FLOT1: variants seen among roughly 807,000 people sequenced by gnomAD.
FLOT1 encodes flotillin 1, also known as flotillin-1.
A neutral mutation model predicts 58.4 loss-of-function variants in FLOT1; 40 were observed. The observed-to-expected ratio is 0.69, with a 90% CI of 0.53 to 0.89. The LOEUF (loss-of-function observed/expected upper bound fraction) is 0.89, where lower values mean the gene tolerates loss of function less well. Ranked by LOEUF, FLOT1 falls within the 40% of genes least tolerant of loss-of-function variation. The pLI is 0.00. For missense variants in FLOT1, 423 were observed against 540.8 expected (o/e 0.78, Z 2.16); for synonymous variants, 178 against 204.2 (o/e 0.87, Z 1.09).
Position 30,741,268 on chromosome 6 carries a change from C to T in FLOT1, c.276G>A (p.Thr92=), listed in dbSNP as rs1199269293. The part of the protein sequence containing the change: ...AAACQMFLGK[T]EAEIAHIALE... ...GGGCAATGTGGGCAATCTCAGCCTC[C>T]GTCTTCCCCAGGAACATCTGACAGG... The change falls in exon 5 of 13, where the codon ACG becomes ACA. Residue 92 remains threonine (T), a synonymous_variant. Transcript: ENST00000376389. The surrounding 1 kb of genome is among the most constrained non-coding windows in gnomAD (Gnocchi z 5.9). The T allele has an allele frequency of 5.6e-6, 9 of 1,612,998 alleles. No homozygotes were observed. The East Asian group carries it at 6.7e-5, about 12-fold the overall frequency.
At chr6:30,734,508 C>T (rs1439637102) in intron 8 of FLOT1, among the ~76,000 whole-genome samples, 2 of 151,814 alleles carry the variant, frequency 1.3e-5, no homozygotes, top group African/African-American at 2.4e-5. Context: ...GGGGTTTCAC[C>T]GTGTTAGCCA....
chr6:30,731,136 G>GT, intron 8 of FLOT1, 36 bp from the exon 9 acceptor site: 1 of 1,558,902 alleles, frequency 6.4e-7, no homozygotes, highest in Non-Finnish European at 8.7e-7. Flanking sequence ...CACGCTCTGA[G>GT]TCAGAGGTGA....
chr6:30,728,873 C>G (rs1422624349), intron 12 of FLOT1, among the ~76,000 whole-genome samples: 39 of 151,858 alleles, frequency 2.6e-4, no homozygotes, highest in Non-Finnish European at 2.9e-5. Flanking sequence ...GCTCTGCCTC[C>G]CAGGTTCACA....
chr6:30,731,781 T>C (rs1205987876), intron 8 of FLOT1, among the ~76,000 whole-genome samples: 1 of 152,190 alleles, frequency 6.6e-6, no homozygotes, highest in Non-Finnish European at 1.5e-5. Context: ...TGATCTTTTT[T>C]GTCTTTTGCA....
chr6:30,728,206 C>T lies in FLOT1; in HGVS notation c.1255-61G>A, dbSNP rs1776874303. On this transcript the variant is annotated intron_variant, in intron 12 of 12. Transcript: ENST00000376389. ...CATTCGGGAGGCTGAGGCCCCTACT[C>T]TCCCGGGCCCCAGTTTAGACGAATG... 17 of 1,477,366 alleles carry T rather than the reference C, an allele frequency of 1.2e-5. No individual in the cohort carries two copies. The South Asian group carries it at 1.5e-4, about 13-fold the overall frequency. 91.5% of individuals were successfully genotyped at this position (1,477,366 alleles called of 1,614,324 possible).
Position 30,740,205 on chromosome 6 carries a change from C to T in FLOT1, c.676G>A (p.Glu226Lys), listed in dbSNP as rs1777868793. Residue 226 changes from glutamate (E) to lysine (K), a missense_variant, in exon 8 of 13, where the codon GAG becomes AAG. Transcript: ENST00000376389. ...GCCTGTGCTCGGCGGGTGTTGACCT[C>T]GATGTCATAGGCGGCCTTCTTCAGT... Reference protein sequence around the residue: ...YELKKAAYDIEVNTRRAQADL... With the variant: ...YELKKAAYDIKVNTRRAQADL... The T allele has an allele frequency of 3.1e-6, 5 of 1,612,900 alleles. No individual in the cohort carries two copies. The South Asian group carries it at 4.4e-5, about 14-fold the overall frequency.
At chr6:30,736,088 CA>C (rs983511849) in intron 8 of FLOT1, among the ~76,000 whole-genome samples, 4 of 151,902 alleles carry the variant, frequency 2.6e-5, no homozygotes, top group Non-Finnish European at 5.9e-5. Context: ...TCCGTCTCTA[CA>C]AAACATACAA....
intron 8 of FLOT1, among the ~76,000 whole-genome samples, chr6:30,732,510 A>G (rs766397724): frequency 1.8e-4 from 28 of 151,774 alleles, no homozygotes; most frequent in Non-Finnish European, 3.5e-4. Flanking sequence ...GAACCAGCAC[A>G]CCCGGCTATT....
chr6:30,735,189 T>C (rs958471381), intron 8 of FLOT1, among the ~76,000 whole-genome samples: 3 of 151,978 alleles, frequency 2.0e-5, no homozygotes, highest in African/African-American at 7.3e-5. Context: ...GGGGTTGGGG[T>C]TGGCTCTCAG....
In FLOT1 at chr6:30,737,116, C is replaced by A. The variant is rs2127774068; in HGVS notation, c.723+3042G>T. Among the ~76,000 whole-genome samples the A allele has an allele frequency of 6.6e-6, 1 of 152,106 alleles. No individual in the cohort carries two copies. The highest frequency in any genetic ancestry group is 1.5e-5 in the Non-Finnish European group (1 of 68,002). ...ACACCAGCGCCCCCAGATCAGAAAC[C>A]TCCTTTCTGACTCCACCTCACAGCC... On this transcript the variant is annotated intron_variant, in intron 8 of 12. Coordinates refer to ENST00000376389, the MANE Select transcript of FLOT1 (RefSeq NM_005803.4). The surrounding 1 kb of genome is among the most constrained non-coding windows in gnomAD (Gnocchi z 4.4).
At position 30,728,016 on chromosome 6, in the gene FLOT1, G is replaced by T; in HGVS notation, c.*100C>A. 8.9e-7 allele frequency: 1 copy of T among 1,118,450 alleles called. No individual in the cohort carries two copies. Among genetic ancestry groups the T allele is most frequent in the Non-Finnish European group, 1.4e-6 (1 of 731,416 alleles). 69.3% of individuals were successfully genotyped at this position (1,118,450 alleles called of 1,614,324 possible). A position where few individuals can be genotyped will look rare whatever the true frequency, so the allele number is the denominator to read the frequency against. ...GAGAGATGAGGGGTGGGACCTCACT[G>T]TCAATGGACATGCTCAGGGAGGCCA... On this transcript the variant is annotated 3_prime_UTR_variant, in exon 13 of 13. Transcript: ENST00000376389.
chr6:30,740,170 G>C lies in FLOT1; in HGVS notation c.711C>G (p.Ala237=). 1 of 1,612,982 alleles carries C rather than the reference G, an allele frequency of 6.2e-7. No homozygotes were observed. Among genetic ancestry groups the C allele is most frequent in the Non-Finnish European group, 8.5e-7 (1 of 1,179,986 alleles). The stretch of plus-strand genomic sequence containing the variant: ...CAGTGGCTCTGACCTGAAGCTGATA[G>C]GCCAGGTCAGCCTGTGCTCGGCGGG... The part of the protein sequence containing the change: ...VNTRRAQADL[A]YQLQVAKTKQ... Residue 237 remains alanine, a synonymous_variant, in exon 8 of 13, where the codon GCC becomes GCG. Transcript: ENST00000376389.
intron 8 of FLOT1, among the ~76,000 whole-genome samples, chr6:30,732,209 T>C (rs972922800): frequency 2.6e-5 from 4 of 152,106 alleles, no homozygotes; most frequent in African/African-American, 9.7e-5. Context: ...TCTCAAGTGA[T>C]CCATCCGCCT....
intron 12 of FLOT1, among the ~76,000 whole-genome samples, chr6:30,729,722 G>A (rs562338664): frequency 2.0e-5 from 3 of 152,316 alleles, no homozygotes; most frequent in South Asian, 2.1e-4. Context: ...CTAGTGGGGT[G>A]ACCACAAGCA....
intron 8 of FLOT1, among the ~76,000 whole-genome samples, chr6:30,733,356 C>T (rs1033275363): frequency 6.6e-6 from 1 of 151,972 alleles, no homozygotes; most frequent in Non-Finnish European, 1.5e-5. Context: ...TATTTTAATA[C>T]CAGTTAGGCT....
At chr6:30,736,879 C>T (rs1777604875) in intron 8 of FLOT1, among the ~76,000 whole-genome samples, 1 of 151,964 alleles carries the variant, frequency 6.6e-6, no homozygotes, top group South Asian at 2.1e-4. Context: ...AGGTGTGAAC[C>T]ACCGCACCCG....
chr6:30,740,617 C>T (rs1294899464), intron 6 of FLOT1, 26 bp from the exon 7 acceptor site: 4 of 1,612,938 alleles, frequency 2.5e-6, no homozygotes, highest in East Asian at 4.5e-5. Context: ...AGAAATTAGT[C>T]CTTTGGAGGG....
In FLOT1 at chr6:30,737,197, C is replaced by CT. The variant is rs1034832294; in HGVS notation, c.723+2960dup. On this transcript the variant is annotated intron_variant, in intron 8 of 12. Transcript: ENST00000376389. The surrounding 1 kb of genome is among the most constrained non-coding windows in gnomAD (Gnocchi z 4.4). The stretch of plus-strand genomic sequence containing the variant: ...AAGCCACGTATGACTGACTGACTGA[C>CT]TGACTGTCTGTCGTCCGTCCGTCCG... 7.6e-6 allele frequency among the ~76,000 whole-genome samples: 1 copy of CT among 131,852 alleles called. No individual in the cohort carries two copies. Among genetic ancestry groups the CT allele is most frequent in the African/African-American group, 3.4e-5 (1 of 29,388 alleles). 86.5% of individuals were successfully genotyped at this position (131,852 alleles called of 152,430 possible). A position where few individuals can be genotyped will look rare whatever the true frequency, so the allele number is the denominator to read the frequency against.
Position 30,737,995 on chromosome 6 carries a change from A to T in FLOT1, c.723+2163T>A, listed in dbSNP as rs540354709. Among the ~76,000 whole-genome samples the T allele has an allele frequency of 4.6e-5, 7 of 152,352 alleles. No homozygotes were observed. The highest frequency in any genetic ancestry group is 1.7e-4 in the African/African-American group (7 of 41,586). ...TAACGAGAAACTGATAAAAGTTGAA[A>T]AGAGTCCAACCAGTCCAATCCCTTA... On this transcript the variant is annotated intron_variant, in intron 8 of 12. Coordinates refer to ENST00000376389, the MANE Select transcript of FLOT1 (RefSeq NM_005803.4). The surrounding 1 kb of genome is among the most constrained non-coding windows in gnomAD (Gnocchi z 4.4).
Sources: gnomAD v4.1 joint callset for allele counts (sites outside exome capture counted in the v4.1 genomes callset) on GRCh38, gnomAD v4.1.1 for gene constraint, Gnocchi (gnomAD v3.1) non-coding constraint, MANE v1.5 for transcripts, NCBI Gene and HGNC (gene_info 2026-07-23, HGNC 2026-07-21) for gene names.